Variants in PRKX observed in about 807,000 individuals in gnomAD.
PRKX encodes protein kinase cAMP-dependent X-linked catalytic subunit, also known as cAMP-dependent protein kinase catalytic subunit PRKX.
In PRKX, 12 loss-of-function variants were observed where a neutral mutation model predicts 22.0. The observed-to-expected ratio is 0.54, with a 90% CI of 0.35 to 0.88. PRKX has a LOEUF of 0.88. Among genes scored for constraint, PRKX ranks in the 40% least tolerant of loss-of-function variants. PRKX has a pLI of 0.01. For synonymous variants in PRKX, 134 were observed against 137.7 expected (o/e 0.97, Z 0.19); for missense variants, 217 against 308.0 (o/e 0.70, Z 2.21).
chrX:3,656,741 T>C (rs947956977), intron 2 of PRKX, among the ~76,000 whole-genome samples: 7 of 112,213 alleles, frequency 6.2e-5, no homozygotes, highest in Non-Finnish European at 1.3e-4. Context: ...GACATTAAAG[T>C]ACAAGTTCCA....
At chrX:3,677,480 C>T (rs779677398) in intron 1 of PRKX, among the ~76,000 whole-genome samples, 23 of 108,306 alleles carry the variant, frequency 2.1e-4, no homozygotes, top group Admixed American at 1.7e-3. Flanking sequence ...GCGTGCACCA[C>T]CAAGGGCGGA....
At chrX:3,689,849 A>T (rs181980423) in intron 1 of PRKX, among the ~76,000 whole-genome samples, 1,941 of 111,116 alleles carry the variant, frequency 0.017, 49 homozygotes, top group African/African-American at 0.06. Flanking sequence ...TGGTGGCGGA[A>T]GCCTGTAGTC....
At chrX:3,637,527 T>A (rs1457145526) in intron 4 of PRKX, among the ~76,000 whole-genome samples, 1 of 110,098 alleles carries the variant, frequency 9.1e-6, no homozygotes, top group East Asian at 2.9e-4. Context: ...CCTGGGAGAG[T>A]TGGGGTCGGC....
chrX:3,711,319 A>C (rs1928784106), intron 1 of PRKX, among the ~76,000 whole-genome samples: 1 of 110,684 alleles, frequency 9.0e-6, no homozygotes, highest in African/African-American at 3.3e-5. Context: ...GACTGAAAAA[A>C]AAAGCTGACT....
intron 2 of PRKX, among the ~76,000 whole-genome samples, chrX:3,667,118 A>C (rs1056174068): frequency 2.5e-4 from 28 of 111,226 alleles, no homozygotes; most frequent in Non-Finnish European, 4.3e-4. Flanking sequence ...TCCCCTCCCC[A>C]TCCTCTCCAG....
chrX:3,640,282 G>A (rs1160093817), intron 4 of PRKX, among the ~76,000 whole-genome samples: 1 of 110,600 alleles, frequency 9.0e-6, no homozygotes, highest in Non-Finnish European at 1.9e-5. Context: ...CTCGCTGGCT[G>A]GGCTTCCTCT....
intron 1 of PRKX, among the ~76,000 whole-genome samples, chrX:3,703,968 G>A (rs1052316237): frequency 4.6e-4 from 51 of 110,535 alleles, no homozygotes; most frequent in Non-Finnish European, 7.9e-4. Context: ...CCCCACACCC[G>A]GCCTCTAATG....
At chrX:3,649,412 G>C (rs1445145734) in intron 3 of PRKX, among the ~76,000 whole-genome samples, 3 of 102,823 alleles carry the variant, frequency 2.9e-5, no homozygotes, top group Non-Finnish European at 5.9e-5. Context: ...AAGTGTGTGT[G>C]CAAAATATTT....
In PRKX at chrX:3,655,211, C is replaced by T; in HGVS notation, c.537G>A (p.Leu179=). The T allele has an allele frequency of 8.3e-7, 1 of 1,212,093 alleles. No individual in the cohort carries two copies. The highest frequency in any genetic ancestry group is 1.1e-6 in the Non-Finnish European group (1 of 895,603). The change falls in exon 3 of 9, where the codon CTG becomes CTA. Residue 179 remains leucine, a synonymous_variant. Coordinates refer to ENST00000262848, the MANE Select transcript of PRKX (RefSeq NM_005044.5). ...VYRDLKPENI[L]LDRDGHIKLT... ...GCTTAATGTGGCCATCCCTATCCAG[C>T]AGGATGTTCTCTGGCTTCAAGTCCC...
At chrX:3,635,568 T>C (rs140262223) in intron 4 of PRKX, among the ~76,000 whole-genome samples, 75 of 110,522 alleles carry the variant, frequency 6.8e-4, no homozygotes, top group African/African-American at 1.8e-3. Context: ...CTGTGTTTTG[T>C]TCTTGATGCT....
rs183334798 is a variant in PRKX at position 3,650,841 on chromosome X, T to A, written c.599+4308A>T. ...TTGCAGTGAGCCAAGATCCCACCAC[T>A]GCACTCCAGCCTGAGTGACAGAGTA... is the stretch of plus-strand genomic sequence containing the variant. On this transcript the variant is annotated intron_variant, in intron 3 of 8. Coordinates refer to ENST00000262848, the MANE Select transcript of PRKX (RefSeq NM_005044.5). Among the ~76,000 whole-genome samples, 547 of 97,761 alleles carry A rather than the reference T, an allele frequency of 5.6e-3. 4 individuals carry two copies. The highest frequency in any genetic ancestry group is 0.021 in the African/African-American group (521 of 24,372). The allele number at this position is 97,761 out of a possible 115,157, so 84.9% of individuals were successfully genotyped here.
At chrX:3,704,660 C>CA (rs777407072) in intron 1 of PRKX, among the ~76,000 whole-genome samples, 3,066 of 103,625 alleles carry the variant, frequency 0.03, 115 homozygotes, top group African/African-American at 0.099. Flanking sequence ...AGACCCTGTC[C>CA]AAAAAAAAAA....
At chrX:3,610,308 C>G (rs1343548208) in intron 8 of PRKX, among the ~76,000 whole-genome samples, 1 of 110,738 alleles carries the variant, frequency 9.0e-6, no homozygotes, top group East Asian at 2.8e-4. Context: ...TGGCAAAACC[C>G]ATCTCTACTA....
At chrX:3,644,963 A>G (rs751765875) in intron 3 of PRKX, among the ~76,000 whole-genome samples, 4 of 111,732 alleles carry the variant, frequency 3.6e-5, no homozygotes, top group African/African-American at 9.8e-5. Flanking sequence ...ATGAGGCTGT[A>G]TAAGTATCCA....
intron 1 of PRKX, among the ~76,000 whole-genome samples, chrX:3,684,395 T>G (rs1234245964): frequency 8.9e-6 from 1 of 111,808 alleles, no homozygotes; most frequent in Non-Finnish European, 1.9e-5. Flanking sequence ...GTACAAATAT[T>G]CTGAGGTGCA....
intron 2 of PRKX, among the ~76,000 whole-genome samples, chrX:3,662,835 C>T (rs768348729): frequency 9.3e-6 from 1 of 106,954 alleles, no homozygotes; most frequent in South Asian, 4.3e-4. Flanking sequence ...AGCAAGACCC[C>T]CAAAATTTAA....
chrX:3,660,401 A>T (rs1416405460), intron 2 of PRKX, among the ~76,000 whole-genome samples: 1 of 111,872 alleles, frequency 8.9e-6, no homozygotes, highest in African/African-American at 3.2e-5. Context: ...TACAACTGTT[A>T]ATTTGGTTGA....
At chrX:3,675,343 AAAC>A (rs374384269) in intron 1 of PRKX, among the ~76,000 whole-genome samples, 2 of 111,196 alleles carry the variant, frequency 1.8e-5, no homozygotes, top group African/African-American at 3.3e-5. Context: ...ACAGAAAACA[AAAC>A]AACAACAACA....
At position 3,638,697 on chromosome X, in the gene PRKX, T is replaced by C. The variant is rs1280583754; in HGVS notation, c.719+3155A>G. ...GGTAGGTAGATTATTGATAGCTAGATAGACAGAAAGGTAGAGATAGAGGGA... is the reference window on the plus strand; with the variant it reads ...GGTAGGTAGATTATTGATAGCTAGACAGACAGAAAGGTAGAGATAGAGGGA... On this transcript the variant is annotated intron_variant, in intron 4 of 8. Coordinates refer to ENST00000262848, the MANE Select transcript of PRKX (RefSeq NM_005044.5). 2.7e-5 allele frequency among the ~76,000 whole-genome samples: 3 copies of C among 111,050 alleles called. No homozygotes were observed. The East Asian group carries it at 8.6e-4, about 32-fold the overall frequency.
Sources: gnomAD v4.1 joint callset for allele counts (sites outside exome capture counted in the v4.1 genomes callset) on GRCh38, gnomAD v4.1.1 for gene constraint, MANE v1.5 for transcripts, NCBI Gene and HGNC (gene_info 2026-07-23, HGNC 2026-07-21) for gene names.